MED16: variants seen among roughly 807,000 people sequenced by gnomAD.
MED16 encodes mediator of RNA polymerase II transcription subunit 16.
MED16 carries 81 observed loss-of-function variants against 84.4 expected under a neutral mutation model. The ratio of observed to expected loss-of-function variants is 0.96; its 90% CI spans 0.80 to 1.15. The LOEUF is 1.15. Among genes scored for constraint, MED16 ranks in the 50% most tolerant of loss-of-function variants. The pLI is 0.00. For missense variants in MED16, 1,585 were observed against 1,245.9 expected, an observed-to-expected ratio of 1.27 and a Z score of -4.10; for synonymous variants, 897 against 552.2, an observed-to-expected ratio of 1.62 and a Z score of -8.76.
chr19:868,184 C>CA lies in MED16; in HGVS notation c.2550dup (p.Val851CysfsTer56). ...TGTGTGGACTGCGGGCCCAGCTGGACAAAGGCAGGGGCTTCCTCAGAAGCT... is the reference window on the plus strand; with the variant it reads ...TGTGTGGACTGCGGGCCCAGCTGGACAAAAGGCAGGGGCTTCCTCAGAAGCT... On this transcript the variant is annotated frameshift_variant, in exon 16 of 16. Transcript: ENST00000325464. LOFTEE classifies it low-confidence loss of function (END_TRUNC). 6.2e-7 allele frequency: 1 copy of CA among 1,609,232 alleles called. No homozygotes were observed. Among genetic ancestry groups the CA allele is most frequent in the Non-Finnish European group, 8.5e-7 (1 of 1,178,410 alleles).
chr19:875,662 C>T (rs1050833342), intron 9 of MED16, among the ~76,000 whole-genome samples: 5 of 152,174 alleles, frequency 3.3e-5, no homozygotes, highest in African/African-American at 4.8e-5. Context: ...CAGCTGGGAG[C>T]GGCTCTGCCT....
At chr19:891,640 A>G (rs1474868173) in intron 1 of MED16, among the ~76,000 whole-genome samples, 1 of 117,148 alleles carries the variant, frequency 8.5e-6, no homozygotes, top group Non-Finnish European at 1.7e-5. Flanking sequence ...GTGACAGGGA[A>G]CACCTGTGGC....
At position 885,009 on chromosome 19, in the gene MED16, C is replaced by T. The variant is rs1309542412; in HGVS notation, c.880-1G>A. On this transcript the variant is annotated splice_acceptor_variant, in intron 5 of 15. Transcript: ENST00000325464. LOFTEE classifies it high-confidence loss of function. ...TCTGGCTGGACGCGCACAAAAGCAC[C>T]TGCGGGGGAGGTGGGGGTGAGGGCT... 2 of 1,593,962 alleles carry T rather than the reference C, an allele frequency of 1.3e-6. No homozygotes were observed. The highest frequency in any genetic ancestry group is 1.7e-6 in the Non-Finnish European group (2 of 1,174,230).
intron 5 of MED16, among the ~76,000 whole-genome samples, chr19:885,383 G>A (rs1352937855): frequency 6.6e-6 from 1 of 152,134 alleles, no homozygotes; most frequent in Non-Finnish European, 1.5e-5. Flanking sequence ...ACCGGTGGCT[G>A]GGCCGCCTCT....
intron 4 of MED16, 94 bp downstream of exon 4, chr19:889,544 G>C (rs2036591239): frequency 1.4e-6 from 2 of 1,464,276 alleles, no homozygotes; most frequent in African/African-American, 1.4e-5. Flanking sequence ...AAAAAACCAG[G>C]GGATGCTGGT....
chr19:869,368 G>A (rs115986208), intron 13 of MED16, among the ~76,000 whole-genome samples: 1,875 of 151,800 alleles, frequency 0.012, 25 homozygotes, highest in African/African-American at 0.042. Flanking sequence ...TGGAGGTGCC[G>A]GGACCTCTGA....
At chr19:872,930 GAGGA>G (rs1369704076) in intron 11 of MED16, 2 of 1,044,750 alleles carry the variant, frequency 1.9e-6, no homozygotes, top group Non-Finnish European at 2.3e-6. Flanking sequence ...GCTTCATGGA[GAGGA>G]GGGCTCCGAG....
Position 891,163 on chromosome 19 carries a change from G to A in MED16, c.-18-14C>T, listed in dbSNP as rs755376766. ...AGTCACCAGCTCCTGCGGGAGGGAGGTGTGGTGGGACGTCTATGTTGGCTG... is the reference window on the plus strand; with the variant it reads ...AGTCACCAGCTCCTGCGGGAGGGAGATGTGGTGGGACGTCTATGTTGGCTG... On this transcript the variant is annotated splice_polypyrimidine_tract_variant and intron_variant, in intron 1 of 15. Transcript: ENST00000325464. 6.3e-7 allele frequency: 1 copy of A among 1,597,186 alleles called. No individual in the cohort carries two copies. The highest frequency in any genetic ancestry group is 1.1e-5 in the South Asian group (1 of 88,668).
chr19:881,298 C>T (rs986284688), intron 7 of MED16, among the ~76,000 whole-genome samples: 20 of 152,186 alleles, frequency 1.3e-4, no homozygotes, highest in Non-Finnish European at 2.5e-4. Context: ...CCCCAGGCTC[C>T]CTTGTTGATT....
intron 9 of MED16, among the ~76,000 whole-genome samples, chr19:875,907 G>C (rs974746463): frequency 1.3e-5 from 2 of 152,192 alleles, no homozygotes; most frequent in Admixed American, 6.5e-5. Context: ...TGGAGGCTGG[G>C]AGTTGGAGAG....
Position 875,344 on chromosome 19 carries a change from G to A in MED16, c.1671C>T (p.Ser557=), listed in dbSNP as rs752396215. ...YHTKLFLIAI[S]STLKSLLRPH... ...GGCGCAGCAGCGACTTCAGGGTGGA[G>A]CTGATGGCGATGAGGAAGAGCTTGG... Residue 557 remains serine, a synonymous_variant, in exon 10 of 16, where the codon AGC becomes AGT. Transcript: ENST00000325464. 2.5e-6 allele frequency: 4 copies of A among 1,610,450 alleles called. No individual in the cohort carries two copies. The highest frequency in any genetic ancestry group is 3.4e-6 in the Non-Finnish European group (4 of 1,179,828).
At chr19:885,549 ACGAAGCGGGAGGAAGGCGCCC>A (rs1206309475) in intron 5 of MED16, among the ~76,000 whole-genome samples, 200 bp downstream of exon 5, 1 of 152,168 alleles carries the variant, frequency 6.6e-6, no homozygotes, top group Non-Finnish European at 1.5e-5. Context: ...CGCTGTGGCC[ACGAAGCGGGAGGAAGGCGCCC>A]CGAACCGAGG....
intron 5 of MED16, among the ~76,000 whole-genome samples, chr19:885,454 G>GT (rs370546409): frequency 6.7e-6 from 1 of 149,376 alleles, no homozygotes; most frequent in Admixed American, 6.6e-5. Context: ...AGAGCACGTT[G>GT]GGGGGGGTCC....
intron 9 of MED16, 121 bp from the exon 10 acceptor site, chr19:875,575 T>A: frequency 1.3e-6 from 1 of 755,754 alleles, no homozygotes; most frequent in Non-Finnish European, 2.1e-6. Flanking sequence ...GGCAAGCTGC[T>A]TCGCCTCTGC....
At chr19:889,899 G>A (rs775602068) in intron 3 of MED16, 92 bp from the exon 4 acceptor site, 2 of 1,446,788 alleles carry the variant, frequency 1.4e-6, no homozygotes, top group South Asian at 2.7e-5. Context: ...AGCCAGCCCA[G>A]TGGAGAGGTC....
intron 6 of MED16, among the ~76,000 whole-genome samples, chr19:882,748 C>T (rs1474513982): frequency 3.3e-5 from 5 of 152,252 alleles, no homozygotes; most frequent in African/African-American, 1.2e-4. Flanking sequence ...GCCTGAGCTG[C>T]TCAGTTTGGG....
chr19:884,415 A>G (rs1311321669), intron 6 of MED16, among the ~76,000 whole-genome samples: 2 of 150,526 alleles, frequency 1.3e-5, no homozygotes, highest in African/African-American at 4.9e-5. Context: ...GCTGCTGGAG[A>G]GGTGGGGTGG....
At chr19:886,301 G>A in intron 4 of MED16, 100 bp from the exon 5 acceptor site, 1 of 1,079,034 alleles carries the variant, frequency 9.3e-7, no homozygotes, top group Non-Finnish European at 1.3e-6. Context: ...GCAGAAGCCA[G>A]GAGTGTGTGC....
intron 4 of MED16, among the ~76,000 whole-genome samples, chr19:887,522 C>G (rs1208850842): frequency 6.6e-6 from 1 of 151,920 alleles, no homozygotes; most frequent in Non-Finnish European, 1.5e-5. Context: ...AAAAATTAGC[C>G]GGGCGCGGTG....
Sources: gnomAD v4.1 joint callset for allele counts (sites outside exome capture counted in the v4.1 genomes callset) on GRCh38, gnomAD v4.1.1 for gene constraint, MANE v1.5 for transcripts, NCBI Gene and HGNC (gene_info 2026-07-23, HGNC 2026-07-21) for gene names.